MDM2: variants seen among roughly 807,000 people sequenced by gnomAD.
MDM2 encodes the protein MDM2 proto-oncogene.
MDM2 carries 11 observed loss-of-function variants against 64.3 expected under a neutral mutation model. The ratio of observed to expected loss-of-function variants is 0.17; its 90% CI spans 0.11 to 0.28. MDM2 has a LOEUF of 0.28. MDM2 is among the 10% of genes least tolerant of loss of function. The probability of loss-of-function intolerance (pLI) is 1.00; values close to 1 mark genes in which losing one functional copy is unlikely to be tolerated. For synonymous variants in MDM2, 194 were observed against 192.9 expected, an observed-to-expected ratio of 1.01 and a Z score of -0.05; for missense variants, 388 against 577.1, an observed-to-expected ratio of 0.67 and a Z score of 3.36.
intron 2 of MDM2, among the ~76,000 whole-genome samples, chr12:68,811,762 C>T (rs982088487): frequency 3.3e-5 from 5 of 151,854 alleles, no homozygotes; most frequent in African/African-American, 7.3e-5. Flanking sequence ...CCTCCACACC[C>T]GGATAATTTT....
rs1183412415 is a variant in MDM2 at position 68,839,820 on chromosome 12, C to G, written c.1465C>G (p.Gln489Glu). The change falls in exon 11 of 11, where the codon CAA becomes GAA. Residue 489 changes from glutamine (Q) to glutamate (E), a missense_variant. Physicochemically the swap from Gln to Glu is conservative, Grantham distance 29 (BLOSUM62 2). This residue lies in a region of MDM2 where 12 missense variants were observed against 63.8 expected (regional missense o/e 0.19). Transcript: ENST00000258149. ...CTGCCCAGTATGTAGACAACCAATT[C>G]AAATGATTGTGCTAACTTATTTCCC... ...KPCPVCRQPIQMIVLTYFP is the reference protein window; with the variant it reads ...KPCPVCRQPIEMIVLTYFP 3.7e-6 allele frequency: 6 copies of G among 1,613,966 alleles called. No individual in the cohort carries two copies. Among genetic ancestry groups the G allele is most frequent in the Non-Finnish European group, 4.2e-6 (5 of 1,179,942 alleles).
chr12:68,810,181 G>A (rs1182793051), intron 2 of MDM2, among the ~76,000 whole-genome samples: 5 of 151,994 alleles, frequency 3.3e-5, no homozygotes, highest in East Asian at 1.9e-4. Context: ...GCATGGTGGC[G>A]CGCGCCTATA....
Position 68,839,445 on chromosome 12 carries a change from G to A in MDM2, c.1090G>A (p.Asp364Asn). The change falls in exon 11 of 11, where the codon GAT becomes AAT. Residue 364 changes from aspartate (D) to asparagine (N), a missense_variant. Physicochemically the swap from Asp to Asn is conservative, Grantham distance 23. Around this residue, in one of 5 missense-constraint regions of MDM2, gnomAD observed 138 missense variants for 143.7 expected, o/e 0.96. Coordinates refer to ENST00000258149, the MANE Select transcript of MDM2 (RefSeq NM_002392.6). ...ENSTQAEEGF[D>N]VPDCKKTIVN... ...CTCAACACAAGCTGAAGAGGGCTTT[G>A]ATGTTCCTGATTGTAAAAAAACTAT... 1 of 1,613,900 alleles carries A rather than the reference G, an allele frequency of 6.2e-7. No homozygotes were observed. Among genetic ancestry groups the A allele is most frequent in the Non-Finnish European group, 8.5e-7 (1 of 1,180,010 alleles).
At chr12:68,815,629 G>A in intron 3 of MDM2, 2 of 416,516 alleles carry the variant, frequency 4.8e-6, no homozygotes, top group Non-Finnish European at 4.8e-6. Flanking sequence ...TTTTTGTAGA[G>A]ATGGAGTTTC....
chr12:68,816,859 T>C lies in MDM2; in HGVS notation c.222T>C (p.Asp74=). ...ATATTATGACTAAACGATTATATGA[T>C]GAGAAGCAACAACATATTGTATATT... The part of the protein sequence containing the change: ...GQYIMTKRLY[D]EKQQHIVYCS... The change falls in exon 4 of 11, where the codon GAT becomes GAC. Residue 74 remains aspartate, a synonymous_variant. Transcript: ENST00000258149. 6.2e-7 allele frequency: 1 copy of C among 1,611,024 alleles called. No homozygotes were observed.
intron 2 of MDM2, among the ~76,000 whole-genome samples, chr12:68,812,230 ATTC>A (rs1880967392): frequency 6.6e-6 from 1 of 151,880 alleles, no homozygotes; most frequent in Non-Finnish European, 1.5e-5. Flanking sequence ...AAAATTAATA[ATTC>A]AATTCTATAT....
rs755631246 is a variant in MDM2 at position 68,842,259 on chromosome 12, C to T, written c.*2410C>T. The T allele has an allele frequency of 5.2e-5, 26 of 496,648 alleles. No individual in the cohort carries two copies. Among genetic ancestry groups the T allele is most frequent in the Admixed American group, 1.6e-4 (7 of 43,594 alleles). The allele number at this position is 496,648 out of a possible 1,614,324, so 30.8% of individuals were successfully genotyped here. A position where few individuals can be genotyped will look rare whatever the true frequency, so the allele number is the denominator to read the frequency against. Reference sequence around the variant, plus strand: ...TGAACAAATTCAAGAAAAAGGACTACGGAAAGTTCAGGACATCAAAGAAGT... The same window carrying T: ...TGAACAAATTCAAGAAAAAGGACTATGGAAAGTTCAGGACATCAAAGAAGT... On this transcript the variant is annotated 3_prime_UTR_variant, in exon 11 of 11. Transcript: ENST00000258149.
intron 7 of MDM2, 158 bp downstream of exon 7, chr12:68,824,809 A>G (rs893466955): frequency 6.5e-5 from 39 of 604,062 alleles, no homozygotes; most frequent in Non-Finnish European, 1.1e-4. Context: ...TTGATTTACA[A>G]ATTGCTTATT....
In MDM2 at chr12:68,824,667, T is replaced by TA. The variant is rs1439629963; in HGVS notation, c.523+17dup. On this transcript the variant is annotated intron_variant, in intron 7 of 10. Transcript: ENST00000258149. ...AGTGAGACAGGTATATATGAATATT[T>TA]ATTTGACGCATTCACACAGCTTTTT... 4.1e-6 allele frequency: 6 copies of TA among 1,458,714 alleles called. No individual in the cohort carries two copies. In the South Asian group the frequency reaches 7.1e-5, roughly 17 times the overall value. The allele number at this position is 1,458,714 out of a possible 1,614,324, so 90.4% of individuals were successfully genotyped here. A position where few individuals can be genotyped will look rare whatever the true frequency, so the allele number is the denominator to read the frequency against.
chr12:68,833,823 T>G (rs1275563666), intron 8 of MDM2, among the ~76,000 whole-genome samples: 4 of 152,210 alleles, frequency 2.6e-5, no homozygotes, highest in Non-Finnish European at 5.9e-5. Flanking sequence ...TTTCTTGTGA[T>G]TTACCCCCTT....
chr12:68,841,227 T>C lies in MDM2; in HGVS notation c.*1378T>C, dbSNP rs936969040. 1.1e-5 allele frequency: 2 copies of C among 190,438 alleles called. No individual in the cohort carries two copies. Among genetic ancestry groups the C allele is most frequent in the Non-Finnish European group, 2.2e-5 (2 of 91,066 alleles). 11.8% of individuals were successfully genotyped at this position (190,438 alleles called of 1,614,324 possible). ...TAGGTTAAAAAAAAAAAGGCTCTTA[T>C]ATTTGGTGCTATGTAAATGAAAATG... On this transcript the variant is annotated 3_prime_UTR_variant, in exon 11 of 11. Transcript: ENST00000258149.
At position 68,841,742 on chromosome 12, in the gene MDM2, G is replaced by A. The variant is rs1164091872; in HGVS notation, c.*1893G>A. The A allele has an allele frequency of 2.9e-5, 6 of 205,270 alleles. No homozygotes were observed. In the East Asian group the frequency reaches 3.8e-4, roughly 13 times the overall value. The allele number at this position is 205,270 out of a possible 1,614,324, so 12.7% of individuals were successfully genotyped here. A position where few individuals can be genotyped will look rare whatever the true frequency, so the allele number is the denominator to read the frequency against. On this transcript the variant is annotated 3_prime_UTR_variant, in exon 11 of 11. Coordinates refer to ENST00000258149, the MANE Select transcript of MDM2 (RefSeq NM_002392.6). Reference sequence around the variant, plus strand: ...TTCAGAAAAGTTAATTCAGAAATTTGATAAACAGAATTGTTATTTAAAAAC... The same window carrying A: ...TTCAGAAAAGTTAATTCAGAAATTTAATAAACAGAATTGTTATTTAAAAAC...
At position 68,844,478 on chromosome 12, in the gene MDM2, G is replaced by A; in HGVS notation, c.*4629G>A. On this transcript the variant is annotated 3_prime_UTR_variant, in exon 11 of 11. Transcript: ENST00000258149. The stretch of plus-strand genomic sequence containing the variant: ...CAGCCTGGCCTAAGTGATCGTGAAT[G>A]GTCTATAAGGGAGGTAGCTGGGACA... The A allele has an allele frequency of 4.4e-6, 1 of 228,372 alleles. No homozygotes were observed. The highest frequency in any genetic ancestry group is 6.2e-5 in the East Asian group (1 of 16,048). 14.1% of individuals were successfully genotyped at this position (228,372 alleles called of 1,614,324 possible).
chr12:68,821,614 T>G (rs1881858994), intron 5 of MDM2, among the ~76,000 whole-genome samples: 1 of 152,092 alleles, frequency 6.6e-6, no homozygotes, highest in African/African-American at 2.4e-5. Context: ...TCCTAGCTAC[T>G]CAGGAGGCTG....
In MDM2 at chr12:68,844,543, C is replaced by T. The variant is rs974650691; in HGVS notation, c.*4694C>T. 1.3e-5 allele frequency: 3 copies of T among 227,082 alleles called. No individual in the cohort carries two copies. The highest frequency in any genetic ancestry group is 2.6e-5 in the Non-Finnish European group (3 of 114,346). The allele number at this position is 227,082 out of a possible 1,614,324, so 14.1% of individuals were successfully genotyped here. A position where few individuals can be genotyped will look rare whatever the true frequency, so the allele number is the denominator to read the frequency against. ...GGCTAGCCACCGTACCACTTGTCAG[C>T]GTGAAAAGTAAGATTGTAATTGCCT... is the stretch of plus-strand genomic sequence containing the variant. On this transcript the variant is annotated 3_prime_UTR_variant, in exon 11 of 11. Transcript: ENST00000258149.
chr12:68,840,071 A>G lies in MDM2; in HGVS notation c.*222A>G, dbSNP rs1883632168. 2.1e-6 allele frequency: 1 copy of G among 482,274 alleles called. No individual in the cohort carries two copies. 29.9% of individuals were successfully genotyped at this position (482,274 alleles called of 1,614,324 possible). On this transcript the variant is annotated 3_prime_UTR_variant, in exon 11 of 11. Coordinates refer to ENST00000258149, the MANE Select transcript of MDM2 (RefSeq NM_002392.6). ...CCTTTACACCAACTCCTAATTTTAA[A>G]TAATTTCTACTCTGTCTTAAATGAG... is the stretch of plus-strand genomic sequence containing the variant.
chr12:68,814,364 ATC>A (rs1296121528), intron 3 of MDM2, among the ~76,000 whole-genome samples: 2 of 152,200 alleles, frequency 1.3e-5, no homozygotes, highest in African/African-American at 4.8e-5. Context: ...AATAAATATT[ATC>A]TTGATATAGT....
Position 68,843,975 on chromosome 12 carries a change from A to C in MDM2, c.*4126A>C, listed in dbSNP as rs1467164856. 9.6e-6 allele frequency: 2 copies of C among 209,338 alleles called. No homozygotes were observed. The highest frequency in any genetic ancestry group is 1.9e-5 in the Non-Finnish European group (2 of 103,140). 13.0% of individuals were successfully genotyped at this position (209,338 alleles called of 1,614,324 possible). On this transcript the variant is annotated 3_prime_UTR_variant, in exon 11 of 11. Transcript: ENST00000258149. ...TGGAGTTCATAATACTGAAGCTAGA[A>C]CCAAGCAGAATCTGTTTTTTTCTGA...
intron 8 of MDM2, among the ~76,000 whole-genome samples, chr12:68,833,149 A>ATATATATAT (rs1555187767): frequency 1.5e-5 from 1 of 65,954 alleles, no homozygotes; most frequent in African/African-American, 6.1e-5. Flanking sequence ...AAAAAAAAAA[A>ATATATATAT]ATATATATAT....
Sources: allele counts gnomAD v4.1 joint callset (sites outside exome capture counted in the v4.1 genomes callset), GRCh38; gene constraint gnomAD v4.1.1; regional missense constraint gnomAD v4.1.1; transcripts MANE v1.5; gene names NCBI Gene and HGNC (gene_info 2026-07-23, HGNC 2026-07-21).